Variants in PCLO observed in about 807,000 individuals in gnomAD.
PCLO encodes the protein piccolo presynaptic cytomatrix protein.
PCLO carries 82 observed loss-of-function variants against 427.5 expected under a neutral mutation model. That is an observed-to-expected ratio of 0.19 (90% CI 0.16 to 0.23). The LOEUF is 0.23. Among genes scored for constraint, PCLO ranks in the 10% least tolerant of loss-of-function variants. The pLI, the probability that PCLO is intolerant of heterozygous loss-of-function variation, is 1.00. For missense variants in PCLO, 6,239 were observed against 6,115.9 expected, an observed-to-expected ratio of 1.02 and a Z score of -0.67; for synonymous variants, 2,357 against 2,155.4, an observed-to-expected ratio of 1.09 and a Z score of -2.59.
chr7:83,115,414 T>C (rs2116539371), intron 3 of PCLO, among the ~76,000 whole-genome samples: 1 of 152,180 alleles, frequency 6.6e-6, no homozygotes, highest in East Asian at 1.9e-4. Context: ...AAAAGTAATC[T>C]AAATAATATA....
chr7:82,777,242 A>G (rs1258676826), intron 22 of PCLO, among the ~76,000 whole-genome samples: 8 of 152,150 alleles, frequency 5.3e-5, no homozygotes, highest in Non-Finnish European at 1.0e-4. Context: ...TACCGCTCAA[A>G]GAAATCAGAG....
At chr7:82,921,700 T>G (rs1348000807) in intron 6 of PCLO, among the ~76,000 whole-genome samples, 4 of 151,912 alleles carry the variant, frequency 2.6e-5, no homozygotes, top group Non-Finnish European at 5.9e-5. Context: ...GATTTCATGA[T>G]GAAGACTCTG....
At chr7:83,085,830 C>A (rs1306124906) in intron 3 of PCLO, among the ~76,000 whole-genome samples, 1 of 151,762 alleles carries the variant, frequency 6.6e-6, no homozygotes, top group Non-Finnish European at 1.5e-5. Flanking sequence ...AGGACTGTGG[C>A]CCAGATAAAA....
At chr7:82,990,596 A>T (rs2115837858) in intron 3 of PCLO, among the ~76,000 whole-genome samples, 1 of 152,280 alleles carries the variant, frequency 6.6e-6, no homozygotes, top group East Asian at 1.9e-4. Flanking sequence ...CACATCCAAG[A>T]CTGTTAACAG....
intron 22 of PCLO, among the ~76,000 whole-genome samples, chr7:82,784,666 T>A (rs920291761): frequency 6.6e-6 from 1 of 152,226 alleles, no homozygotes; most frequent in Non-Finnish European, 1.5e-5. Flanking sequence ...CTGTATTTCT[T>A]TTCAATTCAA....
chr7:82,801,724 T>C (rs1791358057), intron 21 of PCLO, 133 bp from the exon 22 acceptor site: 1 of 604,334 alleles, frequency 1.7e-6, no homozygotes, highest in Non-Finnish European at 2.9e-6. Context: ...ACCGAATATT[T>C]TTGGACTTGC....
In PCLO at chr7:82,859,706, G is replaced by A. The variant is rs557925537; in HGVS notation, c.13655-12459C>T. Among the ~76,000 whole-genome samples, 8 of 152,226 alleles carry A rather than the reference G, an allele frequency of 5.3e-5. No homozygotes were observed. In the East Asian group the frequency reaches 1.5e-3, roughly 29 times the overall value. ...CTTCAATGCCCAGACAGGAAAACAT[G>A]ACCTCACCTAATGAACTAAATAAGG... is the stretch of plus-strand genomic sequence containing the variant. On this transcript the variant is annotated intron_variant, in intron 10 of 24. Coordinates refer to ENST00000333891, the MANE Select transcript of PCLO (RefSeq NM_033026.6).
intron 9 of PCLO, among the ~76,000 whole-genome samples, chr7:82,882,418 C>T (rs1026979004): frequency 1.6e-4 from 25 of 152,052 alleles, no homozygotes; most frequent in Admixed American, 1.6e-3. Context: ...TGTTTCATCT[C>T]AAAACATTGA....
At chr7:82,797,704 A>G (rs1314877082) in intron 22 of PCLO, among the ~76,000 whole-genome samples, 1 of 152,142 alleles carries the variant, frequency 6.6e-6, no homozygotes, top group African/African-American at 2.4e-5. Flanking sequence ...GTGGAAATTC[A>G]ATGATTGATT....
intron 6 of PCLO, among the ~76,000 whole-genome samples, chr7:82,947,174 T>G (rs1335020123): frequency 6.6e-6 from 1 of 152,164 alleles, no homozygotes; most frequent in Non-Finnish European, 1.5e-5. Flanking sequence ...TCTTCATGAC[T>G]CAGACCTCTT....
intron 22 of PCLO, among the ~76,000 whole-genome samples, chr7:82,796,966 T>TG (rs1347617273): frequency 1.3e-5 from 2 of 151,670 alleles, no homozygotes; most frequent in African/African-American, 4.8e-5. Flanking sequence ...GCCTAAGTAT[T>TG]GGGAAAAATA....
intron 6 of PCLO, among the ~76,000 whole-genome samples, chr7:82,947,056 T>C (rs1164054215): frequency 6.6e-6 from 1 of 152,120 alleles, no homozygotes; most frequent in Non-Finnish European, 1.5e-5. Flanking sequence ...AACCCTTTTC[T>C]CCCCCTCTTT....
In PCLO at chr7:82,761,483, C is replaced by G; in HGVS notation, c.15018G>C (p.Gln5006His). ...ATGCAATCTTGATTTCTCCCATTAC[C>G]TGAGTTTTAGCTGGGAGAATTTAAT... ...VGLADTEAKT[Q>H]VMGEIKIALK... is the part of the protein sequence containing the mutation. The change falls in exon 23 of 25, where the codon CAG (glutamine) becomes CAC (histidine). Residue 5006 changes from glutamine to histidine, a missense_variant. Physicochemically the swap from Gln to His is conservative, Grantham distance 24. Coordinates refer to ENST00000333891, the MANE Select transcript of PCLO (RefSeq NM_033026.6). 6.3e-7 allele frequency: 1 copy of G among 1,597,232 alleles called. No individual in the cohort carries two copies. Among genetic ancestry groups the G allele is most frequent in the Non-Finnish European group, 8.5e-7 (1 of 1,172,224 alleles).
intron 20 of PCLO, among the ~76,000 whole-genome samples, chr7:82,820,159 C>A (rs1214963653): frequency 1.3e-5 from 2 of 152,134 alleles, no homozygotes; most frequent in Admixed American, 6.6e-5. Context: ...CTTCCTCTAT[C>A]CAGGAACCTG....
intron 10 of PCLO, among the ~76,000 whole-genome samples, chr7:82,863,674 GAATAA>G (rs1472901170): frequency 6.6e-6 from 1 of 151,920 alleles, no homozygotes; most frequent in African/African-American, 2.4e-5. Context: ...CAACTGAATA[GAATAA>G]AACTTAACTA....
intron 4 of PCLO, among the ~76,000 whole-genome samples, chr7:82,961,708 T>A (rs1795660071): frequency 1.3e-5 from 2 of 152,184 alleles, no homozygotes; most frequent in South Asian, 2.1e-4. Context: ...CTGTGAGGAA[T>A]CCTGGGAGAA....
Position 82,835,713 on chromosome 7 carries a change from G to A in PCLO, c.14223-20C>T, listed in dbSNP as rs770179313. The stretch of plus-strand genomic sequence containing the variant: ...ACTTGACTGCATTGATTCCAAGAGC[G>A]AGAGTGAAGGGGTAAAACAGGAAAG... On this transcript the variant is annotated intron_variant, in intron 15 of 24. Coordinates refer to ENST00000333891, the MANE Select transcript of PCLO (RefSeq NM_033026.6). 7.5e-6 allele frequency: 12 copies of A among 1,600,924 alleles called. No individual in the cohort carries two copies. Among genetic ancestry groups the A allele is most frequent in the South Asian group, 4.5e-5 (4 of 89,454 alleles).
chr7:83,064,558 T>G (rs1304462897), intron 3 of PCLO, among the ~76,000 whole-genome samples: 3 of 152,114 alleles, frequency 2.0e-5, no homozygotes, highest in South Asian at 2.1e-4. Flanking sequence ...GCATAGGGCC[T>G]GGAAATAACA....
At chr7:83,132,116 C>T (rs1791589375) in intron 3 of PCLO, among the ~76,000 whole-genome samples, 1 of 152,080 alleles carries the variant, frequency 6.6e-6, no homozygotes, top group Non-Finnish European at 1.5e-5. Flanking sequence ...TTTATTCATT[C>T]CCCTGATGCC....
Sources: allele counts gnomAD v4.1 joint callset (sites outside exome capture counted in the v4.1 genomes callset), GRCh38; gene constraint gnomAD v4.1.1; transcripts MANE v1.5; gene names NCBI Gene and HGNC (gene_info 2026-07-23, HGNC 2026-07-21).